The following SIMC1 variants were observed in gnomAD, a reference collection of about 807,000 sequenced individuals.
SIMC1 encodes SUMO interacting motifs containing 1.
Under a neutral mutation model 82.3 loss-of-function variants are expected in SIMC1, and 55 were observed. The ratio of observed to expected loss-of-function variants is 0.67; its 90% CI spans 0.54 to 0.84. The LOEUF is 0.84. Ranked by LOEUF, SIMC1 falls within the 40% of genes least tolerant of loss-of-function variation. The pLI is 0.00. For synonymous variants in SIMC1, 353 were observed against 426.3 expected (o/e 0.83, Z 2.12); for missense variants, 915 against 1,107.2 (o/e 0.83, Z 2.46).
Position 176,330,496 on chromosome 5 carries a change from T to G in SIMC1, c.2171+5739T>G, listed in dbSNP as rs187095872. ...TACAAGATGAGCCTGGAACATCTTG[T>G]GCCACAAAGTAAGGAAATATTCAAA... On this transcript the variant is annotated intron_variant, in intron 7 of 9. Coordinates refer to ENST00000429602, the MANE Select transcript of SIMC1 (RefSeq NM_001308195.2). Among the ~76,000 whole-genome samples, 19 of 152,054 alleles carry G rather than the reference T, an allele frequency of 1.2e-4. No individual in the cohort carries two copies. In the East Asian group the frequency reaches 3.7e-3, roughly 29 times the overall value.
At position 176,308,030 on chromosome 5, in the gene SIMC1, A is replaced by G. The variant is rs141041905; in HGVS notation, c.1735-5661A>G. On this transcript the variant is annotated intron_variant, in intron 4 of 9. Coordinates refer to ENST00000429602, the MANE Select transcript of SIMC1 (RefSeq NM_001308195.2). The stretch of plus-strand genomic sequence containing the variant: ...GAATGGATGAACAAAATGAAATACT[A>G]TTTAGTAATTAAAAGCAATGAGCTG... 395 of 680,122 alleles carry G rather than the reference A, an allele frequency of 5.8e-4. 2 individuals carry two copies. The highest frequency in any genetic ancestry group is 1.6e-3 in the East Asian group (60 of 36,666). The allele number at this position is 680,122 out of a possible 1,614,324, so 42.1% of individuals were successfully genotyped here.
chr5:176,317,788 GAATTC>G (rs1330596535), intron 5 of SIMC1, among the ~76,000 whole-genome samples: 2 of 152,056 alleles, frequency 1.3e-5, no homozygotes, highest in Non-Finnish European at 2.9e-5. Flanking sequence ...GTATGTATCA[GAATTC>G]AACCCCAAAT....
At chr5:176,293,575 C>G in intron 2 of SIMC1, among the ~76,000 whole-genome samples, 1 of 152,002 alleles carries the variant, frequency 6.6e-6, no homozygotes, top group East Asian at 1.9e-4. Flanking sequence ...GAAACCCCAT[C>G]TCTACTAAAA....
At chr5:176,314,032 C>T (rs544586912) in intron 5 of SIMC1, among the ~76,000 whole-genome samples, 187 bp downstream of exon 5, 1 of 152,090 alleles carries the variant, frequency 6.6e-6, no homozygotes, top group East Asian at 1.9e-4. Flanking sequence ...TTTGGGAGGC[C>T]GAGGTGGGCG....
At chr5:176,331,472 G>T (rs1428219647) in intron 7 of SIMC1, among the ~76,000 whole-genome samples, 1 of 150,830 alleles carries the variant, frequency 6.6e-6, no homozygotes, top group Non-Finnish European at 1.5e-5. Flanking sequence ...CCCCCACCAT[G>T]CCCTGCTAAT....
At chr5:176,333,294 A>G (rs1175094240) in intron 7 of SIMC1, among the ~76,000 whole-genome samples, 1 of 152,122 alleles carries the variant, frequency 6.6e-6, no homozygotes, top group Non-Finnish European at 1.5e-5. Flanking sequence ...ACAGAGCAAG[A>G]GTCCATCTCA....
At chr5:176,331,934 A>G (rs1407097453) in intron 7 of SIMC1, among the ~76,000 whole-genome samples, 5 of 151,922 alleles carry the variant, frequency 3.3e-5, no homozygotes, top group Admixed American at 2.6e-4. Flanking sequence ...GTGCCACTGC[A>G]CTCCAGCCTG....
intron 4 of SIMC1, chr5:176,308,473 G>C: frequency 2.5e-6 from 4 of 1,606,764 alleles, no homozygotes; most frequent in Non-Finnish European, 3.4e-6. Context: ...GTTGATGTTC[G>C]CACCCAAGCC....
rs529723467 is a variant in SIMC1 at position 176,295,474 on chromosome 5, G to A, written c.1664+212G>A. 9.2e-5 allele frequency among the ~76,000 whole-genome samples: 14 copies of A among 152,324 alleles called. 1 individual carries two copies. The South Asian group carries it at 2.7e-3, about 29-fold the overall frequency. On this transcript the variant is annotated intron_variant, in intron 3 of 9. Coordinates refer to ENST00000429602, the MANE Select transcript of SIMC1 (RefSeq NM_001308195.2). Reference sequence around the variant, plus strand: ...TTAATGGCTCGTGTTACTAGAAACCGAGGAGTGAGATGTGACTTGATTCAG... The same window carrying A: ...TTAATGGCTCGTGTTACTAGAAACCAAGGAGTGAGATGTGACTTGATTCAG...
intron 9 of SIMC1, 79 bp from the exon 10 acceptor site, chr5:176,345,104 C>A: frequency 1.3e-6 from 2 of 1,531,350 alleles, no homozygotes; most frequent in Non-Finnish European, 1.8e-6. Flanking sequence ...TGCCAAGACT[C>A]TACCTACCAA....
chr5:176,284,101 C>T (rs1763148198), intron 1 of SIMC1, among the ~76,000 whole-genome samples: 1 of 152,136 alleles, frequency 6.6e-6, no homozygotes, highest in African/African-American at 2.4e-5. Context: ...CCACTGTCAC[C>T]ATTAGACAGA....
intron 1 of SIMC1, among the ~76,000 whole-genome samples, chr5:176,242,768 T>C (rs968074575): frequency 5.3e-5 from 8 of 152,018 alleles, no homozygotes; most frequent in Non-Finnish European, 1.0e-4. Context: ...ATTCCATAAA[T>C]ATTTATTGAA....
At chr5:176,334,312 T>A (rs986624249) in intron 7 of SIMC1, among the ~76,000 whole-genome samples, 7 of 152,256 alleles carry the variant, frequency 4.6e-5, no homozygotes, top group African/African-American at 1.7e-4. Flanking sequence ...GTTAATTTGC[T>A]GGCAGATTAG....
intron 1 of SIMC1, among the ~76,000 whole-genome samples, chr5:176,257,119 T>C (rs1761872557): frequency 6.6e-6 from 1 of 152,184 alleles, no homozygotes; most frequent in Non-Finnish European, 1.5e-5. Flanking sequence ...CCATTATGTT[T>C]CATTGATTTC....
At chr5:176,261,163 T>A (rs1484284470) in intron 1 of SIMC1, 1 of 152,090 alleles carries the variant, frequency 6.6e-6, no homozygotes, top group African/African-American at 2.4e-5. Flanking sequence ...TACGCCACCA[T>A]GCCCAGCTAA....
chr5:176,313,522 C>A (rs751603042), intron 4 of SIMC1, 169 bp from the exon 5 acceptor site: 21 of 1,553,954 alleles, frequency 1.4e-5, no homozygotes, highest in Admixed American at 1.9e-5. Context: ...TTTGTCCTCT[C>A]TCATAATGAC....
chr5:176,285,590 C>T (rs1262416299), intron 1 of SIMC1, among the ~76,000 whole-genome samples: 348 of 151,592 alleles, frequency 2.3e-3, no homozygotes, highest in Non-Finnish European at 3.2e-3. Context: ...GACAGGGATG[C>T]CCTCTCTCAC....
chr5:176,252,241 G>A (rs1305604455), intron 1 of SIMC1, among the ~76,000 whole-genome samples: 5 of 151,548 alleles, frequency 3.3e-5, no homozygotes, highest in Non-Finnish European at 5.9e-5. Flanking sequence ...CCTCCCGGAC[G>A]GGGCGGCTGG....
At chr5:176,250,747 G>A (rs556458014) in intron 1 of SIMC1, among the ~76,000 whole-genome samples, 1 of 152,198 alleles carries the variant, frequency 6.6e-6, no homozygotes, top group Admixed American at 6.5e-5. Context: ...ATCTTTGTTG[G>A]TTTAAAGTCT....
Sources: allele counts gnomAD v4.1 joint callset (sites outside exome capture counted in the v4.1 genomes callset), GRCh38; gene constraint gnomAD v4.1.1; transcripts MANE v1.5; gene names NCBI Gene and HGNC (gene_info 2026-07-23, HGNC 2026-07-21).